The following ATP2B1 variants were observed in gnomAD, a reference collection of about 807,000 sequenced individuals.
ATP2B1 encodes the protein ATPase plasma membrane Ca2+ transporting 1, also known as plasma membrane calcium-transporting ATPase 1.
ATP2B1 carries 14 observed loss-of-function variants against 124.2 expected under a neutral mutation model. That is an observed-to-expected ratio of 0.11 (90% CI 0.07 to 0.18). The LOEUF (loss-of-function observed/expected upper bound fraction) is 0.18, where lower values mean the gene tolerates loss of function less well. Ranked by LOEUF, ATP2B1 falls within the 10% of genes least tolerant of loss-of-function variation. The pLI, the probability that ATP2B1 is intolerant of heterozygous loss-of-function variation, is 1.00. For missense variants in ATP2B1, 763 were observed against 1,466.1 expected (o/e 0.52, Z 7.83); for synonymous variants, 449 against 492.4 (o/e 0.91, Z 1.17).
chr12:89,696,011 G>A (rs1056913626), intron 1 of ATP2B1, among the ~76,000 whole-genome samples: 1 of 152,188 alleles, frequency 6.6e-6, no homozygotes, highest in East Asian at 1.9e-4. Context: ...GACACAAGAG[G>A]CTCATTCAAG....
intron 19 of ATP2B1, among the ~76,000 whole-genome samples, chr12:89,600,861 C>T (rs1875680345): frequency 2.0e-5 from 3 of 152,168 alleles, no homozygotes; most frequent in South Asian, 4.1e-4. Context: ...GTTGGCCAGG[C>T]TGGTCTCTAA....
intron 1 of ATP2B1, among the ~76,000 whole-genome samples, chr12:89,677,954 T>TTATATATATATATGTATATATATA (rs1491452210): frequency 0.033 from 2,243 of 68,418 alleles, 200 homozygotes; most frequent in Non-Finnish European, 0.05. Context: ...CATGCAGGAA[T>TTATATATATATATGTATATATATA]TATATATATA....
Position 89,603,587 on chromosome 12 carries a change from A to T in ATP2B1, c.2848+125T>A. On this transcript the variant is annotated intron_variant, in intron 17 of 20. Coordinates refer to ENST00000428670, the MANE Select transcript of ATP2B1 (RefSeq NM_001366521.1). This position sits in a 1 kb window ranked among gnomAD's most constrained non-coding sequence, Gnocchi z 4.3. ...AGCACTCACTGATTAAGAAGAAATT[A>T]AAGATAAATGGGAAGTCAGGAGTAG... 1.0e-6 allele frequency: 1 copy of T among 963,250 alleles called. No homozygotes were observed. The highest frequency in any genetic ancestry group is 1.5e-6 in the Non-Finnish European group (1 of 653,652). The allele number at this position is 963,250 out of a possible 1,614,324, so 59.7% of individuals were successfully genotyped here.
At chr12:89,706,378 T>TA (rs200346218) in intron 1 of ATP2B1, among the ~76,000 whole-genome samples, 6,716 of 136,604 alleles carry the variant, frequency 0.049, 181 homozygotes, top group Non-Finnish European at 0.066. Context: ...GGCCTACAGC[T>TA]AAAAAAAAAA....
rs568203378 is a variant in ATP2B1, at chr12:89,592,981, G to A, written c.3352-1686C>T. The stretch of plus-strand genomic sequence containing the variant: ...GCATCTATTCTATTAATGTCTTGCA[G>A]CTTTACCATCTTTTATAATTCCATT... On this transcript the variant is annotated intron_variant, in intron 20 of 20. Transcript: ENST00000428670. 1.1e-4 allele frequency among the ~76,000 whole-genome samples: 17 copies of A among 152,132 alleles called. 1 individual carries two copies. The highest frequency in any genetic ancestry group is 6.8e-3 in the Middle Eastern group (2 of 294).
chr12:89,673,874 T>A (rs1425642682), intron 1 of ATP2B1, among the ~76,000 whole-genome samples: 1 of 152,184 alleles, frequency 6.6e-6, no homozygotes, highest in Non-Finnish European at 1.5e-5. Flanking sequence ...CTCCAAAATA[T>A]AATCAGGAGA....
chr12:89,642,423 C>G lies in ATP2B1; in HGVS notation c.209-68G>C, dbSNP rs544966548. On this transcript the variant is annotated intron_variant, in intron 2 of 20. Transcript: ENST00000428670. ...ACAAATGAAAATATATAGTTTTATT[C>G]AAAATACCTCAACTCATCACTCTAG... 2.7e-4 allele frequency: 369 copies of G among 1,390,754 alleles called. 2 individuals carry two copies. In the African/African-American group the frequency reaches 4.9e-3, roughly 19 times the overall value. The allele number at this position is 1,390,754 out of a possible 1,614,324, so 86.2% of individuals were successfully genotyped here.
chr12:89,684,131 A>G (rs925543427), intron 1 of ATP2B1, among the ~76,000 whole-genome samples: 1 of 152,166 alleles, frequency 6.6e-6, no homozygotes, highest in African/African-American at 2.4e-5. Flanking sequence ...GAAAACATAC[A>G]TGTCTATTTT....
intron 8 of ATP2B1, among the ~76,000 whole-genome samples, chr12:89,624,973 T>TA (rs1181782029): frequency 1.3e-5 from 2 of 152,140 alleles, no homozygotes; most frequent in Non-Finnish European, 2.9e-5. Context: ...ACATATGTAT[T>TA]AAAAAATAGG....
chr12:89,623,816 C>CT (rs891134933), intron 9 of ATP2B1, among the ~76,000 whole-genome samples: 11 of 151,914 alleles, frequency 7.2e-5, no homozygotes, highest in Non-Finnish European at 1.3e-4. Context: ...TAATTTTTAA[C>CT]TTTTTTTTTA....
chr12:89,650,919 A>C (rs1287994342), intron 2 of ATP2B1, among the ~76,000 whole-genome samples: 1 of 152,238 alleles, frequency 6.6e-6, no homozygotes, highest in Non-Finnish European at 1.5e-5. Flanking sequence ...GAAGAAAAAA[A>C]AACTGTGAAG....
chr12:89,627,721 A>G lies in ATP2B1; in HGVS notation c.929-5T>C. 2 of 1,613,838 alleles carry G rather than the reference A, an allele frequency of 1.2e-6. No individual in the cohort carries two copies. Among genetic ancestry groups the G allele is most frequent in the Admixed American group, 1.7e-5 (1 of 59,996 alleles). ...TAGCTCCATCTTGTTTCTTATCTGT[A>G]GGAACAAAATGGGAATTAAAGCTTT... is the stretch of plus-strand genomic sequence containing the variant. On this transcript the variant is annotated splice_polypyrimidine_tract_variant and splice_region_variant and intron_variant, in intron 6 of 20. Transcript: ENST00000428670.
chr12:89,708,199 T>G (rs1239163643), intron 1 of ATP2B1, among the ~76,000 whole-genome samples: 1 of 151,962 alleles, frequency 6.6e-6, no homozygotes, highest in Non-Finnish European at 1.5e-5. Context: ...CCGGGCACGG[T>G]GCCCTCAAGG....
chr12:89,611,409 T>A, intron 12 of ATP2B1, 37 bp from the exon 13 acceptor site: 1 of 1,470,078 alleles, frequency 6.8e-7, no homozygotes, highest in Non-Finnish European at 9.0e-7. Context: ...CAAAGTTAAT[T>A]TGGTATTTTT....
chr12:89,656,376 T>C (rs1303892193), intron 1 of ATP2B1, among the ~76,000 whole-genome samples: 7 of 152,224 alleles, frequency 4.6e-5, no homozygotes, highest in African/African-American at 1.7e-4. Context: ...CCACTCAGTA[T>C]TACTGTTATT....
In ATP2B1 at chr12:89,629,422, T is replaced by G. The variant is rs148707877; in HGVS notation, c.928+1083A>C. On this transcript the variant is annotated intron_variant, in intron 6 of 20. Coordinates refer to ENST00000428670, the MANE Select transcript of ATP2B1 (RefSeq NM_001366521.1). ...TGCTGGTTTTCAAACTGCGTTCTACTCAGCCTTAAGAAACGTATGGAAGCA... is the reference window on the plus strand; with the variant it reads ...TGCTGGTTTTCAAACTGCGTTCTACGCAGCCTTAAGAAACGTATGGAAGCA... 1.3e-3 allele frequency among the ~76,000 whole-genome samples: 200 copies of G among 152,300 alleles called. 1 individual carries two copies. The highest frequency in any genetic ancestry group is 1.7e-3 in the Non-Finnish European group (118 of 68,026).
chr12:89,608,889 C>T (rs1380398669), intron 15 of ATP2B1, among the ~76,000 whole-genome samples: 1 of 152,112 alleles, frequency 6.6e-6, no homozygotes, highest in Non-Finnish European at 1.5e-5. Flanking sequence ...AAGCTCCTAC[C>T]AATGCAGCTG....
chr12:89,596,081 A>AG (rs1232359416), intron 20 of ATP2B1, among the ~76,000 whole-genome samples: 1 of 152,130 alleles, frequency 6.6e-6, no homozygotes, highest in Non-Finnish European at 1.5e-5. Context: ...CTGTCTTAAA[A>AG]GTTTATGATT....
intron 1 of ATP2B1, among the ~76,000 whole-genome samples, chr12:89,700,238 T>C (rs557515181): frequency 7.2e-5 from 11 of 152,218 alleles, no homozygotes; most frequent in Middle Eastern, 3.4e-3. Context: ...TTTCTGAGAC[T>C]CGACATGCAG....
Sources: allele counts gnomAD v4.1 joint callset (sites outside exome capture counted in the v4.1 genomes callset), GRCh38; gene constraint gnomAD v4.1.1; non-coding constraint Gnocchi (gnomAD v3.1); transcripts MANE v1.5; gene names NCBI Gene and HGNC (gene_info 2026-07-23, HGNC 2026-07-21).